CDH12: variants seen among roughly 807,000 people sequenced by gnomAD.
CDH12 encodes cadherin-12.
Under a neutral mutation model 74.1 loss-of-function variants are expected in CDH12, and 41 were observed. That is an observed-to-expected ratio of 0.55 (90% CI 0.43 to 0.72). CDH12 has a LOEUF of 0.72. Among genes scored for constraint, CDH12 ranks in the 30% least tolerant of loss-of-function variants. The pLI is 0.00. For synonymous variants in CDH12, 399 were observed against 355.0 expected (o/e 1.12, Z -1.39); for missense variants, 945 against 977.2 (o/e 0.97, Z 0.44).
At chr5:21,945,593 A>C (rs1390127861) in intron 6 of CDH12, among the ~76,000 whole-genome samples, 2 of 151,968 alleles carry the variant, frequency 1.3e-5, no homozygotes, top group South Asian at 2.1e-4. Context: ...ATAAGTTATA[A>C]AAAGTAAATA....
intron 6 of CDH12, among the ~76,000 whole-genome samples, chr5:21,872,670 G>C (rs1751686632): frequency 6.6e-6 from 1 of 152,018 alleles, no homozygotes; most frequent in African/African-American, 2.4e-5. Context: ...AAATGTATTT[G>C]GCCAAGGTGT....
At chr5:22,179,485 A>G (rs1749521576) in intron 4 of CDH12, among the ~76,000 whole-genome samples, 1 of 152,206 alleles carries the variant, frequency 6.6e-6, no homozygotes, top group Non-Finnish European at 1.5e-5. Flanking sequence ...TGGAAGATAA[A>G]TTAAAAGTTT....
intron 4 of CDH12, among the ~76,000 whole-genome samples, chr5:22,082,816 C>T (rs1742830999): frequency 6.6e-6 from 1 of 152,156 alleles, no homozygotes; most frequent in Non-Finnish European, 1.5e-5. Context: ...CCCTCAGGCC[C>T]ACATTCTGTT....
chr5:21,932,199 A>G (rs1410372311), intron 6 of CDH12, among the ~76,000 whole-genome samples: 1 of 152,196 alleles, frequency 6.6e-6, no homozygotes, highest in Non-Finnish European at 1.5e-5. Context: ...CAAATATAAT[A>G]TGCACCAGTA....
intron 1 of CDH12, among the ~76,000 whole-genome samples, chr5:22,750,714 T>C (rs1366578685): frequency 1.3e-5 from 2 of 151,950 alleles, no homozygotes; most frequent in Non-Finnish European, 2.9e-5. Context: ...GAGAATTCAG[T>C]TTGGAAGTAC....
chr5:22,497,197 A>T (rs1490081037), intron 2 of CDH12, among the ~76,000 whole-genome samples: 1 of 152,216 alleles, frequency 6.6e-6, no homozygotes, highest in East Asian at 1.9e-4. Context: ...ATATCATATA[A>T]CATATCTACT....
chr5:22,575,957 C>G (rs990612526), intron 1 of CDH12, among the ~76,000 whole-genome samples: 1 of 152,032 alleles, frequency 6.6e-6, no homozygotes, highest in African/African-American at 2.4e-5. Context: ...TTCCTGGGCT[C>G]AAGTGATCCT....
chr5:21,854,820 T>G, intron 6 of CDH12, 30 bp from the exon 7 acceptor site: 9 of 1,593,708 alleles, frequency 5.6e-6, no homozygotes, highest in Non-Finnish European at 7.7e-6. Context: ...CACTCTAGCA[T>G]TTTTGTTTTA....
intron 5 of CDH12, among the ~76,000 whole-genome samples, chr5:21,985,184 T>G (rs566353834): frequency 1.3e-5 from 2 of 152,290 alleles, no homozygotes; most frequent in East Asian, 3.9e-4. Context: ...GTCATTATCT[T>G]TTGTCATGGA....
At chr5:22,288,025 T>C in intron 3 of CDH12, among the ~76,000 whole-genome samples, 1 of 152,102 alleles carries the variant, frequency 6.6e-6, no homozygotes, top group East Asian at 1.9e-4. Context: ...GCACAGAGCA[T>C]TATGTGTAAG....
At chr5:22,447,985 T>TAAAAAAAAAAA (rs10660558) in intron 2 of CDH12, among the ~76,000 whole-genome samples, 2 of 84,468 alleles carry the variant, frequency 2.4e-5, no homozygotes, top group African/African-American at 4.9e-5. Context: ...TACAAGAAAT[T>TAAAAAAAAAAA]AAAAAAAAAA....
chr5:21,993,344 G>T (rs1319310515), intron 5 of CDH12, among the ~76,000 whole-genome samples: 1 of 152,076 alleles, frequency 6.6e-6, no homozygotes, highest in African/African-American at 2.4e-5. Flanking sequence ...CAGGACAATG[G>T]ATTTTATTAC....
chr5:22,698,735 A>AGT (rs374493879), intron 1 of CDH12, among the ~76,000 whole-genome samples: 3,516 of 14,104 alleles, frequency 0.25, 244 homozygotes, highest in East Asian at 0.41. Flanking sequence ...ATATATATAT[A>AGT]GTGTGTGTGT....
intron 1 of CDH12, among the ~76,000 whole-genome samples, chr5:22,836,892 C>A (rs1480626211): frequency 6.6e-6 from 1 of 152,136 alleles, no homozygotes; most frequent in Non-Finnish European, 1.5e-5. Flanking sequence ...AATTTCTTAT[C>A]TGAACTTCTT....
intron 1 of CDH12, among the ~76,000 whole-genome samples, chr5:22,688,535 A>T (rs1350941759): frequency 6.6e-6 from 1 of 152,176 alleles, no homozygotes; most frequent in Non-Finnish European, 1.5e-5. Flanking sequence ...GCAGCGATGG[A>T]ACATTTCTAT....
chr5:21,988,638 A>C (rs540717671), intron 5 of CDH12, among the ~76,000 whole-genome samples: 28 of 152,296 alleles, frequency 1.8e-4, no homozygotes, highest in African/African-American at 6.5e-4. Context: ...TGCTAAAAAC[A>C]GAAAATTGGA....
In CDH12 at chr5:22,802,328, G is replaced by A. The variant is rs184846021; in HGVS notation, c.-523+50730C>T. ...GTAGAGATGGGGTTTCACCATGTTA[G>A]CCAGGATGGTCTCCATCTCCTGACC... On this transcript the variant is annotated intron_variant, in intron 1 of 14. Transcript: ENST00000382254. Among the ~76,000 whole-genome samples the A allele has an allele frequency of 4.8e-3, 732 of 151,900 alleles. 9 individuals carry two copies. Among genetic ancestry groups the A allele is most frequent in the African/African-American group, 0.017 (694 of 41,430 alleles).
At chr5:22,820,769 A>G (rs1180536994) in intron 1 of CDH12, among the ~76,000 whole-genome samples, 23 of 152,188 alleles carry the variant, frequency 1.5e-4, no homozygotes, top group African/African-American at 4.8e-4. Flanking sequence ...AAAAGTCCAG[A>G]ACCAGATGAA....
chr5:22,071,232 T>A (rs376682575), intron 5 of CDH12, among the ~76,000 whole-genome samples: 13 of 152,240 alleles, frequency 8.5e-5, no homozygotes, highest in African/African-American at 3.1e-4. Flanking sequence ...GTCTTGTTTG[T>A]TCTGTTTCTC....
Sources: gnomAD v4.1 joint callset for allele counts (sites outside exome capture counted in the v4.1 genomes callset) on GRCh38, gnomAD v4.1.1 for gene constraint, MANE v1.5 for transcripts, NCBI Gene and HGNC (gene_info 2026-07-23, HGNC 2026-07-21) for gene names.